ASMTL: variants seen among roughly 807,000 people sequenced by gnomAD.
ASMTL encodes the protein acetylserotonin O-methyltransferase like, also known as probable bifunctional dTTP/UTP pyrophosphatase/methyltransferase protein.
Under a neutral mutation model 60.3 loss-of-function variants are expected in ASMTL, and 57 were observed. The observed-to-expected ratio is 0.95, with a 90% CI of 0.76 to 1.18. The LOEUF is 1.18. Ranked by LOEUF, ASMTL falls within the 50% of genes most tolerant of loss-of-function variation. ASMTL has a pLI of 0.00. For missense variants in ASMTL, 981 were observed against 852.6 expected, an observed-to-expected ratio of 1.15 and a Z score of -1.88; for synonymous variants, 419 against 373.0, an observed-to-expected ratio of 1.12 and a Z score of -1.42.
At chrX:1,407,043 TA>T (rs1267089787) in intron 12 of ASMTL, among the ~76,000 whole-genome samples, 16 of 22,324 alleles carry the variant, frequency 7.2e-4, no homozygotes, top group African/African-American at 2.1e-3. Context: ...GATGGGTAGG[TA>T]GATGGATGGA....
Position 1,403,235 on chromosome X carries a change from A to C in ASMTL, c.*34T>G. On this transcript the variant is annotated 3_prime_UTR_variant, in exon 13 of 13. Transcript: ENST00000381317. Reference sequence around the variant, plus strand: ...GGGCGGTCCACCTGCAGCCTGGGGGAGGACATCCCTATAATGAACATGCTG... The same window carrying C: ...GGGCGGTCCACCTGCAGCCTGGGGGCGGACATCCCTATAATGAACATGCTG... 6.3e-7 allele frequency: 1 copy of C among 1,582,002 alleles called. No individual in the cohort carries two copies. Among genetic ancestry groups the C allele is most frequent in the Non-Finnish European group, 8.7e-7 (1 of 1,153,434 alleles).
In ASMTL at chrX:1,417,958, A is replaced by C; in HGVS notation, c.1522+15T>G. On this transcript the variant is annotated intron_variant, in intron 11 of 12. Transcript: ENST00000381317. ...TCTGGAAAAGGTTAGCAGGGTGAAC[A>C]GGAGGAGGGCTCACCTGCTGCGAAG... The C allele has an allele frequency of 6.3e-7, 1 of 1,596,746 alleles. No homozygotes were observed. Among genetic ancestry groups the C allele is most frequent in the Non-Finnish European group, 8.6e-7 (1 of 1,168,484 alleles).
At chrX:1,416,915 C>T (rs1478847230) in intron 11 of ASMTL, among the ~76,000 whole-genome samples, 1 of 151,428 alleles carries the variant, frequency 6.6e-6, no homozygotes, top group Non-Finnish European at 1.5e-5. Context: ...ATACACACCA[C>T]AGAGGTGCAC....
rs1306650177 is a variant in ASMTL at position 1,423,423 on chromosome X, C to G, written c.1061-1581G>C. Among the ~76,000 whole-genome samples, 5 of 152,096 alleles carry G rather than the reference C, an allele frequency of 3.3e-5. No homozygotes were observed. The East Asian group carries it at 9.6e-4, about 29-fold the overall frequency. ...TCACAGAAGCACAGCCACCTCTGCC[C>G]AGGTGTCATCTGTTGTCCTGCCCTT... On this transcript the variant is annotated intron_variant, in intron 8 of 12. Transcript: ENST00000381317.
chrX:1,418,823 G>T, intron 10 of ASMTL, 159 bp downstream of exon 10: 1 of 428,900 alleles, frequency 2.3e-6, no homozygotes, highest in Non-Finnish European at 3.1e-6. Context: ...CCTGGAACTT[G>T]GGAATATCCA....
chrX:1,413,650 G>A (rs2090121852), intron 11 of ASMTL: 1 of 152,316 alleles, frequency 6.6e-6, no homozygotes, highest in Non-Finnish European at 1.5e-5. Flanking sequence ...GCTGGGAATG[G>A]GACCTTATCT....
At chrX:1,420,189 CTCTCAAGTCTCCCTG>C (rs1192527656) in intron 9 of ASMTL, among the ~76,000 whole-genome samples, 1 of 151,802 alleles carries the variant, frequency 6.6e-6, no homozygotes, top group East Asian at 1.9e-4. Flanking sequence ...CTCCCTCTGT[CTCTCAAGTCTCCCTG>C]TCTCTCCATC....
chrX:1,420,719 C>T (rs188225488), intron 9 of ASMTL, among the ~76,000 whole-genome samples: 2 of 152,364 alleles, frequency 1.3e-5, no homozygotes, highest in Non-Finnish European at 2.9e-5. Flanking sequence ...AAACAGCGGC[C>T]TCAGATAAGC....
At chrX:1,435,109 G>A (rs1420492279) in intron 4 of ASMTL, 26 bp from the exon 5 acceptor site, 33 of 1,613,094 alleles carry the variant, frequency 2.0e-5, no homozygotes, top group Admixed American at 3.3e-5. Context: ...GGGTGACCAC[G>A]TGACCATGCT....
intron 9 of ASMTL, among the ~76,000 whole-genome samples, chrX:1,420,249 G>A (rs1255143184): frequency 4.0e-5 from 6 of 149,526 alleles, no homozygotes; most frequent in African/African-American, 4.9e-5. Context: ...TCCCATCTCC[G>A]TGTCTGTCTC....
At chrX:1,405,343 A>C (rs773977567) in intron 12 of ASMTL, among the ~76,000 whole-genome samples, 2 of 150,986 alleles carry the variant, frequency 1.3e-5, no homozygotes, top group African/African-American at 4.9e-5. Flanking sequence ...AGGTGGATGG[A>C]TAGATGGAGG....
chrX:1,443,052 ATCGTGGACACACACCGTCG>A (rs1269240485), intron 1 of ASMTL, among the ~76,000 whole-genome samples: 1 of 68,216 alleles, frequency 1.5e-5, no homozygotes, highest in Non-Finnish European at 4.2e-5. Context: ...GCATACCACC[ATCGTGGACACACACCGTCG>A]TCGTGGACAC....
intron 11 of ASMTL, among the ~76,000 whole-genome samples, chrX:1,416,069 G>GCA (rs2090239069): frequency 6.8e-6 from 1 of 147,406 alleles, no homozygotes; most frequent in African/African-American, 2.5e-5. Context: ...AGACAGACAT[G>GCA]CACAGATGGG....
Position 1,452,888 on chromosome X carries a change from C to T in ASMTL, c.-48G>A, listed in dbSNP as rs1434439062. The T allele has an allele frequency of 2.2e-6, 3 of 1,393,540 alleles. No individual in the cohort carries two copies. The highest frequency in any genetic ancestry group is 1.5e-5 in the African/African-American group (1 of 66,464). The allele number at this position is 1,393,540 out of a possible 1,614,324, so 86.3% of individuals were successfully genotyped here. A position where few individuals can be genotyped will look rare whatever the true frequency, so the allele number is the denominator to read the frequency against. ...CGTCCGCACTTCTGAGCCCGGAGCC[C>T]GCGGTGCGCGCAGCGCGGCTGCAAA... is the stretch of plus-strand genomic sequence containing the variant. On this transcript the variant is annotated 5_prime_UTR_variant, in exon 1 of 13. Coordinates refer to ENST00000381317, the MANE Select transcript of ASMTL (RefSeq NM_004192.4).
In ASMTL at chrX:1,427,806, G is replaced by C. The variant is rs776719021; in HGVS notation, c.825C>G (p.His275Gln). 1 of 1,612,872 alleles carries C rather than the reference G, an allele frequency of 6.2e-7. No individual in the cohort carries two copies. The highest frequency in any genetic ancestry group is 8.5e-7 in the Non-Finnish European group (1 of 1,179,830). The change falls in exon 7 of 13, where the codon CAC becomes CAG. Residue 275 changes from histidine to glutamine, a missense_variant. Coordinates refer to ENST00000381317, the MANE Select transcript of ASMTL (RefSeq NM_004192.4). The part of the protein sequence containing the change: ...AGQATAEAEC[H>Q]RTRETLPPFP... Reference sequence around the variant, plus strand: ...ACGGAGGCAGGGTCTCCCGAGTCCTGTGACACTCAGCCTCTGCCGTGGCCT... The same window carrying C: ...ACGGAGGCAGGGTCTCCCGAGTCCTCTGACACTCAGCCTCTGCCGTGGCCT...
upstream of ASMTL, among the ~76,000 whole-genome samples, chrX:1,453,427 G>A (rs1408476194): frequency 7.5e-6 from 1 of 133,586 alleles, no homozygotes; most frequent in Admixed American, 7.5e-5. Context: ...CCCCGCCCCC[G>A]GCGCTCGCCC....
chrX:1,449,449 G>C (rs186957071), intron 1 of ASMTL, among the ~76,000 whole-genome samples: 4 of 151,872 alleles, frequency 2.6e-5, no homozygotes, highest in East Asian at 3.9e-4. Context: ...CATGCCTTCT[G>C]TGAGGCACCC....
chrX:1,435,131 G>C (rs45447192), intron 4 of ASMTL, 48 bp from the exon 5 acceptor site: 4 of 1,598,028 alleles, frequency 2.5e-6, no homozygotes, highest in Non-Finnish European at 3.4e-6. Flanking sequence ...TGACCCGTGG[G>C]AGCTACAAAG....
intron 1 of ASMTL, among the ~76,000 whole-genome samples, chrX:1,445,695 T>C (rs1222192090): frequency 6.6e-6 from 1 of 152,170 alleles, no homozygotes; most frequent in Non-Finnish European, 1.5e-5. Context: ...ACGAGAAAGT[T>C]ATACCAGATA....
Sources: allele counts gnomAD v4.1 joint callset (sites outside exome capture counted in the v4.1 genomes callset), GRCh38; gene constraint gnomAD v4.1.1; transcripts MANE v1.5; gene names NCBI Gene and HGNC (gene_info 2026-07-23, HGNC 2026-07-21).